The following EEIG2 variants were observed in gnomAD, a reference collection of about 807,000 sequenced individuals.
The protein encoded by EEIG2 is EEIG family member 2.
At chr1:108,574,209 C>G in the EEIG2 span, among the ~76,000 whole-genome samples, 1 of 151,972 alleles carries the variant, frequency 6.6e-6, no homozygotes, top group East Asian at 1.9e-4. Context: ...CCAATACATG[C>G]TACAACATGG....
chr1:108,603,105 C>T, the EEIG2 span, among the ~76,000 whole-genome samples: 2 of 152,046 alleles, frequency 1.3e-5, no homozygotes, highest in Non-Finnish European at 2.9e-5. Context: ...CCAAAACAGC[C>T]GCTTGAAGGC....
the EEIG2 span, among the ~76,000 whole-genome samples, chr1:108,594,604 T>G: frequency 1.3e-5 from 2 of 152,236 alleles, no homozygotes; most frequent in Non-Finnish European, 2.9e-5. Flanking sequence ...AGTTAATATG[T>G]GTAATTTTTA....
At chr1:108,580,036 A>T in the EEIG2 span, among the ~76,000 whole-genome samples, 2 of 152,130 alleles carry the variant, frequency 1.3e-5, no homozygotes, top group African/African-American at 4.8e-5. Context: ...AAGTGCTGAG[A>T]TTACAAATGT....
At chr1:108,636,263 G>A in the EEIG2 span, 1 of 152,216 alleles carries the variant, frequency 6.6e-6, no homozygotes, top group South Asian at 2.1e-4. Context: ...GAGCAGCACA[G>A]CAGATAAACC....
At chr1:108,564,211 G>A in the EEIG2 span, among the ~76,000 whole-genome samples, 3 of 151,990 alleles carry the variant, frequency 2.0e-5, no homozygotes, top group African/African-American at 7.3e-5. Context: ...GGTTAAAGTG[G>A]CGTATCACCT....
the EEIG2 span, among the ~76,000 whole-genome samples, chr1:108,585,735 G>A: frequency 5.5e-4 from 84 of 152,156 alleles, no homozygotes; most frequent in African/African-American, 1.8e-3. Flanking sequence ...CTGAATTATT[G>A]TAATATCATT....
chr1:108,578,921 A>G, the EEIG2 span, among the ~76,000 whole-genome samples: 3 of 121,616 alleles, frequency 2.5e-5, no homozygotes, highest in African/African-American at 9.7e-5. Flanking sequence ...GCCTGCCCTA[A>G]AAGAGCTCCT....
At chr1:108,563,703 T>C in the EEIG2 span, among the ~76,000 whole-genome samples, 2 of 152,164 alleles carry the variant, frequency 1.3e-5, no homozygotes, top group African/African-American at 4.8e-5. Context: ...ATTTACCAGG[T>C]TTCTATTAAT....
At chr1:108,575,073 C>T in the EEIG2 span, among the ~76,000 whole-genome samples, 1 of 152,126 alleles carries the variant, frequency 6.6e-6, no homozygotes, top group African/African-American at 2.4e-5. Flanking sequence ...AGAAAAATCC[C>T]TCTGTCATAT....
At chr1:108,623,725 G>T in the EEIG2 span, among the ~76,000 whole-genome samples, 1 of 152,012 alleles carries the variant, frequency 6.6e-6, no homozygotes. Flanking sequence ...AGGCTGGAGT[G>T]CAATGGTGCA....
At chr1:108,560,706 C>A in the EEIG2 span, 1 of 1,028,888 alleles carries the variant, frequency 9.7e-7, no homozygotes, top group Non-Finnish European at 1.4e-6. Flanking sequence ...CTGCAAAGTG[C>A]TTTGCAAATG....
At chr1:108,579,797 A>AGAGAGAGAG in the EEIG2 span, among the ~76,000 whole-genome samples, 16 of 25,306 alleles carry the variant, frequency 6.3e-4, no homozygotes, top group South Asian at 1.5e-3. Context: ...GAGAGAGAGA[A>AGAGAGAGAG]AGAAACCCAC....
At chr1:108,623,805 G>A in the EEIG2 span, among the ~76,000 whole-genome samples, 2 of 151,906 alleles carry the variant, frequency 1.3e-5, no homozygotes, top group African/African-American at 4.8e-5. Context: ...CTGTGTAGCT[G>A]GGACTACAGA....
At chr1:108,562,209 G>C in the EEIG2 span, among the ~76,000 whole-genome samples, 1 of 152,130 alleles carries the variant, frequency 6.6e-6, no homozygotes, top group Non-Finnish European at 1.5e-5. Context: ...TTCTGATCAG[G>C]TCTGTGTAAC....
the EEIG2 span, among the ~76,000 whole-genome samples, chr1:108,601,245 A>G: frequency 0.14 from 20,783 of 151,914 alleles, 2,064 homozygotes; most frequent in African/African-American, 0.28. Context: ...GTAATTTCAT[A>G]TGGTTCAACT....
the EEIG2 span, chr1:108,631,080 T>C: frequency 2.9e-6 from 1 of 348,344 alleles, no homozygotes; most frequent in Non-Finnish European, 5.9e-6. Context: ...GGGAGTAATG[T>C]GAAAAAGGAT....
At chr1:108,586,896 A>G in the EEIG2 span, among the ~76,000 whole-genome samples, 1 of 152,324 alleles carries the variant, frequency 6.6e-6, no homozygotes, top group South Asian at 2.1e-4. Flanking sequence ...GTTCAAAAGT[A>G]AAGTCTCTTT....
At chr1:108,605,063 A>T in the EEIG2 span, among the ~76,000 whole-genome samples, 1 of 152,162 alleles carries the variant, frequency 6.6e-6, no homozygotes, top group East Asian at 1.9e-4. Context: ...AATAAATAAA[A>T]AATGAAAAAG....
chr1:108,635,062 A>G, the EEIG2 span: 1 of 1,610,330 alleles, frequency 6.2e-7, no homozygotes, highest in Non-Finnish European at 8.5e-7. Flanking sequence ...ACAGTTTCAA[A>G]CACTGCAGCT....
Sources: gnomAD v4.1 joint callset for allele counts (sites outside exome capture counted in the v4.1 genomes callset) on GRCh38, gnomAD v4.1.1 for gene constraint, MANE v1.5 for transcripts, NCBI Gene and HGNC (gene_info 2026-07-23, HGNC 2026-07-21) for gene names.